QTMAN: variants seen among roughly 807,000 people sequenced by gnomAD.
QTMAN encodes the protein queuosine-tRNA mannosyltransferase.
At chr2:144,136,273 T>A in the QTMAN span, among the ~76,000 whole-genome samples, 1 of 149,864 alleles carries the variant, frequency 6.7e-6, no homozygotes, top group African/African-American at 2.5e-5. Flanking sequence ...ATGAAATGGG[T>A]CATGATCACA....
the QTMAN span, among the ~76,000 whole-genome samples, chr2:144,173,191 C>T: frequency 6.6e-6 from 1 of 152,100 alleles, no homozygotes; most frequent in African/African-American, 2.4e-5. Flanking sequence ...TTAAGATACT[C>T]TCCTCATCTC....
the QTMAN span, among the ~76,000 whole-genome samples, chr2:144,242,915 T>C: frequency 2.5e-4 from 34 of 136,222 alleles, no homozygotes; most frequent in Admixed American, 8.0e-4. Flanking sequence ...TGAGCCGAAA[T>C]TGCACCACTG....
the QTMAN span, among the ~76,000 whole-genome samples, chr2:144,214,557 G>T: frequency 6.6e-6 from 1 of 152,156 alleles, no homozygotes; most frequent in African/African-American, 2.4e-5. Context: ...TTATGTTGTA[G>T]TTGTGTACTA....
chr2:144,266,008 A>G, the QTMAN span, among the ~76,000 whole-genome samples: 15 of 152,266 alleles, frequency 9.9e-5, no homozygotes, highest in East Asian at 2.7e-3. Flanking sequence ...GCTCACTAAG[A>G]GTTGAGAAGT....
the QTMAN span, among the ~76,000 whole-genome samples, chr2:144,136,221 T>C: frequency 6.6e-6 from 1 of 150,862 alleles, no homozygotes; most frequent in African/African-American, 2.4e-5. Context: ...CAGCTATCAG[T>C]AGGGTAAGAT....
the QTMAN span, among the ~76,000 whole-genome samples, chr2:144,186,999 A>G: frequency 2.0e-5 from 3 of 152,352 alleles, no homozygotes; most frequent in Middle Eastern, 3.4e-3. Flanking sequence ...TCAGGTATTA[A>G]TATCTTAAGA....
chr2:144,017,700 T>G, the QTMAN span, among the ~76,000 whole-genome samples: 1 of 152,192 alleles, frequency 6.6e-6, no homozygotes, highest in Non-Finnish European at 1.5e-5. Context: ...TTGGCACATA[T>G]TAAGAACTCA....
chr2:144,233,406 A>T, the QTMAN span, among the ~76,000 whole-genome samples: 1 of 152,216 alleles, frequency 6.6e-6, no homozygotes, highest in African/African-American at 2.4e-5. Context: ...TTCAGAAAAA[A>T]ATATTTCTTT....
chr2:144,181,645 C>T, the QTMAN span, among the ~76,000 whole-genome samples: 14 of 151,804 alleles, frequency 9.2e-5, no homozygotes, highest in East Asian at 7.8e-4. Context: ...ACTTCATCTC[C>T]GCTAAAAATA....
chr2:144,220,014 T>C, the QTMAN span, among the ~76,000 whole-genome samples: 3 of 152,178 alleles, frequency 2.0e-5, no homozygotes, highest in Non-Finnish European at 4.4e-5. Flanking sequence ...ATCTTCTGAT[T>C]TGCTAATAGT....
the QTMAN span, among the ~76,000 whole-genome samples, chr2:144,030,463 T>A: frequency 1.3e-5 from 2 of 152,174 alleles, no homozygotes; most frequent in African/African-American, 4.8e-5. Flanking sequence ...TGTCCCTTTG[T>A]TTTTTCTTCC....
At chr2:144,240,455 A>G in the QTMAN span, among the ~76,000 whole-genome samples, 2 of 152,208 alleles carry the variant, frequency 1.3e-5, no homozygotes, top group African/African-American at 4.8e-5. Context: ...AATTATCATT[A>G]CCTATTCTAA....
chr2:143,948,360 CA>C, the QTMAN span, among the ~76,000 whole-genome samples: 124 of 151,922 alleles, frequency 8.2e-4, no homozygotes, highest in African/African-American at 2.8e-3. Flanking sequence ...AAGAGGAAAA[CA>C]AAAAAATCAG....
At chr2:144,291,025 GTCTC>G in the QTMAN span, among the ~76,000 whole-genome samples, 9 of 152,136 alleles carry the variant, frequency 5.9e-5, no homozygotes, top group African/African-American at 2.2e-4. Flanking sequence ...TCTGTTTCAA[GTCTC>G]TCTCTCATCT....
chr2:144,089,183 T>C, the QTMAN span, among the ~76,000 whole-genome samples: 8 of 151,896 alleles, frequency 5.3e-5, no homozygotes, highest in East Asian at 1.9e-4. Context: ...AAAGAAGACA[T>C]GCAACAGGTC....
the QTMAN span, among the ~76,000 whole-genome samples, chr2:144,213,437 T>C: frequency 6.6e-6 from 1 of 152,200 alleles, no homozygotes; most frequent in African/African-American, 2.4e-5. Context: ...TAAATTTTAG[T>C]CACACTGAAA....
At chr2:143,968,548 T>A in the QTMAN span, among the ~76,000 whole-genome samples, 1 of 152,184 alleles carries the variant, frequency 6.6e-6, no homozygotes, top group South Asian at 2.1e-4. Context: ...AGAGATGTAA[T>A]CCCAGAACTT....
the QTMAN span, chr2:144,145,633 A>G: frequency 4.3e-6 from 7 of 1,611,094 alleles, no homozygotes; most frequent in East Asian, 2.2e-5. Context: ...TTGACAGGAT[A>G]TATCAACTGG....
chr2:144,275,872 ATGT>A, the QTMAN span, among the ~76,000 whole-genome samples: 1 of 152,114 alleles, frequency 6.6e-6, no homozygotes, highest in African/African-American at 2.4e-5. Context: ...TATATATATA[ATGT>A]TGTAAATAAT....
Sources: allele counts gnomAD v4.1 joint callset (sites outside exome capture counted in the v4.1 genomes callset), GRCh38; gene constraint gnomAD v4.1.1; transcripts MANE v1.5; gene names NCBI Gene and HGNC (gene_info 2026-07-23, HGNC 2026-07-21).